Variants in MEOX2 observed in about 807,000 individuals in gnomAD.
MEOX2 encodes the protein mesenchyme homeobox 2, also known as homeobox protein MOX-2.
Under a neutral mutation model 27.0 loss-of-function variants are expected in MEOX2, and 11 were observed. That is an observed-to-expected ratio of 0.41 (90% CI 0.26 to 0.68). The LOEUF (loss-of-function observed/expected upper bound fraction) is 0.68. MEOX2 is among the 30% of genes least tolerant of loss of function. The pLI, the probability that MEOX2 is intolerant of heterozygous loss-of-function variation, is 0.33. For missense variants in MEOX2, 436 were observed against 385.4 expected, an observed-to-expected ratio of 1.13 and a Z score of -1.10; for synonymous variants, 189 against 155.4, an observed-to-expected ratio of 1.22 and a Z score of -1.61.
At position 15,626,726 on chromosome 7, in the gene MEOX2, AT is replaced by A. The variant is rs773104935; in HGVS notation, c.690+19del. ...CAGGGCAATTAAAAAAGATCATATA[AT>A]GATAATGCCCAGCTTTACCTGTCTT... On this transcript the variant is annotated intron_variant, in intron 2 of 2. Transcript: ENST00000262041. 1 of 1,583,016 alleles carries A rather than the reference AT, an allele frequency of 6.3e-7. No individual in the cohort carries two copies. The highest frequency in any genetic ancestry group is 8.6e-7 in the Non-Finnish European group (1 of 1,156,338).
At chr7:15,621,556 T>A (rs1781223137) in intron 2 of MEOX2, among the ~76,000 whole-genome samples, 1 of 152,230 alleles carries the variant, frequency 6.6e-6, no homozygotes, top group African/African-American at 2.4e-5. Context: ...TGAGTGATAT[T>A]TAAGGATTTA....
chr7:15,649,007 G>T (rs1430550514), intron 1 of MEOX2, among the ~76,000 whole-genome samples: 1 of 151,902 alleles, frequency 6.6e-6, no homozygotes, highest in African/African-American at 2.4e-5. Flanking sequence ...CTGAATTCTG[G>T]GAGGCCCTCC....
At chr7:15,618,203 A>G (rs546322778) in intron 2 of MEOX2, among the ~76,000 whole-genome samples, 1 of 152,146 alleles carries the variant, frequency 6.6e-6, no homozygotes, top group Non-Finnish European at 1.5e-5. Flanking sequence ...TTTACAGTAA[A>G]AATTCACTAT....
intron 2 of MEOX2, among the ~76,000 whole-genome samples, chr7:15,619,749 T>A (rs959739077): frequency 1.3e-5 from 2 of 152,040 alleles, no homozygotes; most frequent in Non-Finnish European, 2.9e-5. Flanking sequence ...AGAAAACAGA[T>A]TATATATTCT....
Position 15,686,100 on chromosome 7 carries a change from C to G in MEOX2, c.303G>C (p.Pro101=), listed in dbSNP as rs1048013657. 6.3e-7 allele frequency: 1 copy of G among 1,585,436 alleles called. No homozygotes were observed. Among genetic ancestry groups the G allele is most frequent in the Non-Finnish European group, 8.6e-7 (1 of 1,167,190 alleles). The change falls in exon 1 of 3, where the codon CCG becomes CCC. Residue 101 remains proline (P), a synonymous_variant. Coordinates refer to ENST00000262041, the MANE Select transcript of MEOX2 (RefSeq NM_005924.5). ...NWHLPQMSSP[P]SAARHSLCLQ... ...GGCAGAGGCTGTGCCGAGCCGCACT[C>G]GGTGGGGAAGACATCTGCGGGAGGT... is the stretch of plus-strand genomic sequence containing the variant.
At chr7:15,631,318 A>G (rs142238800) in intron 1 of MEOX2, among the ~76,000 whole-genome samples, 1 of 151,984 alleles carries the variant, frequency 6.6e-6, no homozygotes, top group African/African-American at 2.4e-5. Flanking sequence ...TCTGCTCAAT[A>G]TCTTGATTAT....
At chr7:15,669,467 T>A (rs955002243) in intron 1 of MEOX2, among the ~76,000 whole-genome samples, 1 of 152,258 alleles carries the variant, frequency 6.6e-6, no homozygotes, top group Admixed American at 6.5e-5. Flanking sequence ...CTTTGCCTAA[T>A]GTGTAGCGTT....
At chr7:15,635,405 C>G (rs1213627564) in intron 1 of MEOX2, among the ~76,000 whole-genome samples, 1 of 151,978 alleles carries the variant, frequency 6.6e-6, no homozygotes, top group Non-Finnish European at 1.5e-5. Flanking sequence ...GAGTACCAAA[C>G]ATTCCAAATA....
At chr7:15,625,035 A>G (rs1338844734) in intron 2 of MEOX2, among the ~76,000 whole-genome samples, 1 of 152,194 alleles carries the variant, frequency 6.6e-6, no homozygotes, top group Non-Finnish European at 1.5e-5. Context: ...GACCACCCCC[A>G]AAATGTCAAG....
intron 1 of MEOX2, among the ~76,000 whole-genome samples, chr7:15,629,277 A>G (rs1781361627): frequency 6.6e-6 from 1 of 152,084 alleles, no homozygotes; most frequent in South Asian, 2.1e-4. Context: ...ACATGGGCCA[A>G]TTCTCAGAAG....
chr7:15,643,708 G>A (rs1311351682), intron 1 of MEOX2, among the ~76,000 whole-genome samples: 1 of 152,196 alleles, frequency 6.6e-6, no homozygotes, highest in Non-Finnish European at 1.5e-5. Context: ...GTTTCATGAA[G>A]GGAGGGGTGC....
chr7:15,686,202 C>G lies in MEOX2; in HGVS notation c.201G>C (p.Gly67=), dbSNP rs374499365. 6.2e-7 allele frequency: 1 copy of G among 1,604,338 alleles called. No individual in the cohort carries two copies. The highest frequency in any genetic ancestry group is 1.1e-5 in the South Asian group (1 of 89,810). The part of the protein sequence containing the change: ...EGMFASQHHR[G]HHHHHHHHHH... ...GGTGGTGGTGGTGGTGGTGGTGGTG[C>G]CCCCTGTGATGCTGGCTGGCAAACA... is the stretch of plus-strand genomic sequence containing the variant. Residue 67 remains glycine (G), a synonymous_variant, in exon 1 of 3, where the codon GGG becomes GGC. Transcript: ENST00000262041.
chr7:15,625,041 T>A (rs542978128), intron 2 of MEOX2, among the ~76,000 whole-genome samples: 1 of 152,266 alleles, frequency 6.6e-6, no homozygotes, highest in African/African-American at 2.4e-5. Flanking sequence ...CCCCAAAATG[T>A]CAAGTACAGA....
chr7:15,628,707 G>A (rs1279590724), intron 1 of MEOX2, among the ~76,000 whole-genome samples: 1 of 152,108 alleles, frequency 6.6e-6, no homozygotes, highest in Non-Finnish European at 1.5e-5. Flanking sequence ...CAACTTACCT[G>A]GCTGCAAGGA....
At chr7:15,637,804 T>G (rs1321133232) in intron 1 of MEOX2, among the ~76,000 whole-genome samples, 1 of 152,072 alleles carries the variant, frequency 6.6e-6, no homozygotes. Flanking sequence ...TGTGGTCTTC[T>G]GAGGCTGGTT....
intron 1 of MEOX2, chr7:15,680,762 A>C (rs989967620): frequency 6.6e-6 from 1 of 151,944 alleles, no homozygotes; most frequent in African/African-American, 2.4e-5. Context: ...TGACTACAAA[A>C]TGTGTCTTGT....
chr7:15,645,318 T>C (rs1021224892), intron 1 of MEOX2, among the ~76,000 whole-genome samples: 2 of 152,196 alleles, frequency 1.3e-5, no homozygotes, highest in African/African-American at 2.4e-5. Flanking sequence ...TTCTTTTTAA[T>C]CATGTGCATT....
intron 1 of MEOX2, among the ~76,000 whole-genome samples, chr7:15,643,387 C>G (rs1781593401): frequency 6.6e-6 from 1 of 152,140 alleles, no homozygotes; most frequent in Non-Finnish European, 1.5e-5. Context: ...AAGGCAGGTA[C>G]AAGCACTGAC....
chr7:15,628,775 T>C (rs1562598203), intron 1 of MEOX2, among the ~76,000 whole-genome samples: 2 of 152,230 alleles, frequency 1.3e-5, no homozygotes, highest in East Asian at 1.9e-4. Flanking sequence ...AGCATCCACA[T>C]TGGTGGAGCA....
Sources: gnomAD v4.1 joint callset for allele counts (sites outside exome capture counted in the v4.1 genomes callset) on GRCh38, gnomAD v4.1.1 for gene constraint, MANE v1.5 for transcripts, NCBI Gene and HGNC (gene_info 2026-07-23, HGNC 2026-07-21) for gene names.